Variants in PALM2AKAP2 observed in about 807,000 individuals in gnomAD.
PALM2AKAP2 encodes PALM2 and AKAP2 fusion.
In PALM2AKAP2, 37 loss-of-function variants were observed where a neutral mutation model predicts 71.5. The ratio of observed to expected loss-of-function variants is 0.52; its 90% CI spans 0.40 to 0.68. The LOEUF (loss-of-function observed/expected upper bound fraction) is 0.68. Ranked by LOEUF, PALM2AKAP2 falls within the 30% of genes least tolerant of loss-of-function variation. The pLI is 0.00. For synonymous variants in PALM2AKAP2, 468 were observed against 478.8 expected (o/e 0.98, Z 0.29); for missense variants, 1,224 against 1,191.8 (o/e 1.03, Z -0.40).
intron 6 of PALM2AKAP2, among the ~76,000 whole-genome samples, chr9:109,972,149 G>A (rs1405594646): frequency 1.3e-5 from 2 of 152,206 alleles, no homozygotes; most frequent in Admixed American, 1.3e-4. Context: ...TAGCATTGGT[G>A]CTTCATGCAG....
chr9:109,821,733 G>A (rs1828012355), intron 1 of PALM2AKAP2, among the ~76,000 whole-genome samples: 2 of 152,118 alleles, frequency 1.3e-5, no homozygotes, highest in African/African-American at 4.8e-5. Flanking sequence ...CATGAAACAG[G>A]GAGCTGCCCT....
At chr9:109,802,762 A>G (rs1827468762) in intron 1 of PALM2AKAP2, among the ~76,000 whole-genome samples, 2 of 152,244 alleles carry the variant, frequency 1.3e-5, no homozygotes, top group Admixed American at 1.3e-4. Context: ...AAAGAAAGCT[A>G]GAAAACATGG....
chr9:109,779,968 G>C (rs1829408067), upstream of PALM2AKAP2, among the ~76,000 whole-genome samples: 1 of 151,960 alleles, frequency 6.6e-6, no homozygotes, highest in Non-Finnish European at 1.5e-5. Context: ...GTCCACGCGG[G>C]CGCGCCACGC....
At chr9:109,912,097 G>A (rs1830582982) in intron 3 of PALM2AKAP2, among the ~76,000 whole-genome samples, 1 of 152,108 alleles carries the variant, frequency 6.6e-6, no homozygotes. Context: ...GTCAGGAGCA[G>A]TTTGAGGTCT....
intron 7 of PALM2AKAP2, among the ~76,000 whole-genome samples, chr9:110,042,680 C>A (rs1342590497): frequency 6.6e-6 from 1 of 152,158 alleles, no homozygotes; most frequent in Non-Finnish European, 1.5e-5. Context: ...TTGTCTGATG[C>A]TCACCCCACT....
In PALM2AKAP2 at chr9:110,002,365, C is replaced by T. The variant is rs1832697379; in HGVS notation, c.497-13589C>T. ...AGCCTTGCATCCCAGGGATGAAGCCCACTTGATCATGGTGGATAAGCTTTT... is the reference window on the plus strand; with the variant it reads ...AGCCTTGCATCCCAGGGATGAAGCCTACTTGATCATGGTGGATAAGCTTTT... On this transcript the variant is annotated intron_variant, in intron 6 of 9. Coordinates refer to the PALM2AKAP2 transcript ENST00000302798. Among the ~76,000 whole-genome samples, 2 of 151,776 alleles carry T rather than the reference C, an allele frequency of 1.3e-5. 1 individual carries two copies. Among genetic ancestry groups the T allele is most frequent in the African/African-American group, 4.9e-5 (2 of 41,102 alleles).
At chr9:109,681,646 A>G (rs558800751) in intron 1 of PALM2AKAP2, among the ~76,000 whole-genome samples, 5 of 152,344 alleles carry the variant, frequency 3.3e-5, no homozygotes, top group Admixed American at 2.6e-4. Context: ...CATTTTTACA[A>G]TGGGTTTTTC....
intron 1 of PALM2AKAP2, among the ~76,000 whole-genome samples, chr9:109,660,468 T>C (rs981673191): frequency 7.2e-5 from 11 of 152,170 alleles, no homozygotes; most frequent in African/African-American, 2.4e-4. Context: ...GTCCTTGTGA[T>C]AGTTTGCTGA....
At chr9:110,085,312 C>T (rs1038609214) in intron 1 of PALM2AKAP2, among the ~76,000 whole-genome samples, 1 of 152,098 alleles carries the variant, frequency 6.6e-6, no homozygotes, top group Admixed American at 6.5e-5. Flanking sequence ...TATGGTCCAG[C>T]AAGGTGAAGG....
chr9:110,134,264 G>A (rs1433546018), intron 1 of PALM2AKAP2, among the ~76,000 whole-genome samples: 1 of 151,684 alleles, frequency 6.6e-6, no homozygotes, highest in Non-Finnish European at 1.5e-5. Context: ...GGGCAACAGA[G>A]CAAGAGCCTG....
chr9:109,786,883 A>G (rs1826984534), intron 1 of PALM2AKAP2, among the ~76,000 whole-genome samples: 1 of 152,204 alleles, frequency 6.6e-6, no homozygotes, highest in Non-Finnish European at 1.5e-5. Context: ...ACCAGGGCCC[A>G]GTAGAATTGT....
exon 1 of PALM2AKAP2, chr9:109,640,844 C>G (rs939678281): frequency 2.6e-6 from 4 of 1,517,350 alleles, no homozygotes; most frequent in Middle Eastern, 2.1e-4. Context: ...GCAGCGCACC[C>G]GGCCGCGGAG....
intron 7 of PALM2AKAP2, among the ~76,000 whole-genome samples, chr9:110,032,019 G>A (rs937993110): frequency 7.6e-5 from 10 of 132,372 alleles, no homozygotes; most frequent in Non-Finnish European, 1.1e-4. Context: ...TGATAAAACC[G>A]AACAGCCTTC....
At chr9:110,142,289 A>G (rs1836054157) in intron 2 of PALM2AKAP2, among the ~76,000 whole-genome samples, 1 of 151,978 alleles carries the variant, frequency 6.6e-6, no homozygotes, top group African/African-American at 2.4e-5. Context: ...GAGTTTCATC[A>G]TGTTGGCCAG....
chr9:109,842,006 A>T (rs1012148807), intron 1 of PALM2AKAP2, among the ~76,000 whole-genome samples: 4 of 150,990 alleles, frequency 2.6e-5, no homozygotes, highest in African/African-American at 7.3e-5. Flanking sequence ...AGGTGGGAAA[A>T]AAAGAGGCCT....
At chr9:109,972,437 A>G (rs1832086040) in intron 6 of PALM2AKAP2, among the ~76,000 whole-genome samples, 1 of 152,216 alleles carries the variant, frequency 6.6e-6, no homozygotes, top group African/African-American at 2.4e-5. Context: ...AAGCAGAAGC[A>G]GAAGGGAATA....
intron 6 of PALM2AKAP2, among the ~76,000 whole-genome samples, chr9:109,936,311 A>C (rs949351473): frequency 1.3e-5 from 2 of 152,216 alleles, no homozygotes; most frequent in Admixed American, 1.3e-4. Context: ...TGTATTGAAC[A>C]TTAGAACTTA....
At chr9:110,067,336 G>C (rs1834102761) in intron 1 of PALM2AKAP2, among the ~76,000 whole-genome samples, 1 of 152,160 alleles carries the variant, frequency 6.6e-6, no homozygotes, top group Non-Finnish European at 1.5e-5. Flanking sequence ...AATTGAAAAG[G>C]TTTGCTGAAT....
chr9:109,988,587 GAA>G (rs1832419782), intron 6 of PALM2AKAP2, among the ~76,000 whole-genome samples: 2 of 73,222 alleles, frequency 2.7e-5, no homozygotes, highest in Non-Finnish European at 4.1e-5. Flanking sequence ...AGGAAAAAAG[GAA>G]GAAAGGAAGG....
Sources: gnomAD v4.1 joint callset for allele counts (sites outside exome capture counted in the v4.1 genomes callset) on GRCh38, gnomAD v4.1.1 for gene constraint, MANE v1.5 for transcripts, NCBI Gene and HGNC (gene_info 2026-07-23, HGNC 2026-07-21) for gene names.